The following TTN variants were observed in gnomAD, a reference collection of about 807,000 sequenced individuals.
TTN encodes titin, also known as connectin.
A neutral mutation model predicts 3,223.0 loss-of-function variants in TTN; 1,525 were observed. The ratio of observed to expected loss-of-function variants is 0.47; its 90% CI spans 0.45 to 0.49. The LOEUF is 0.49. Among genes scored for constraint, TTN ranks in the 20% least tolerant of loss-of-function variants. The pLI, the probability that TTN is intolerant of heterozygous loss-of-function variation, is 0.00. For synonymous variants in TTN, 14,094 were observed against 15,161.0 expected (o/e 0.93, Z 5.17); for missense variants, 40,786 against 43,424.0 (o/e 0.94, Z 5.40).
At chr2:178,649,773 T>C (rs1461110190) in intron 211 of TTN, 44 bp downstream of exon 211, 3 of 1,592,830 alleles carry the variant, frequency 1.9e-6, no homozygotes, top group Non-Finnish European at 8.6e-7. Context: ...GAGTGTAAAA[T>C]TGTAGACACC....
rs769631757 is a variant in TTN, at chr2:178,795,105, T to G, written c.1062A>C (p.Ser354=). Residue 354 remains serine (S), a synonymous_variant, in exon 7 of 363, where the codon TCA becomes TCC. Coordinates refer to ENST00000589042, the MANE Select transcript of TTN (RefSeq NM_001267550.2). ...PWKQEGYVAS[S]SEAEMRETTL... ...TTGTCTCTCTCATCTCAGCCTCAGA[T>G]GAGGAGGCCACGTAGCCCTCTTGCT... is the stretch of plus-strand genomic sequence containing the variant. 6.2e-7 allele frequency: 1 copy of G among 1,614,094 alleles called. No individual in the cohort carries two copies. The highest frequency in any genetic ancestry group is 1.7e-5 in the Admixed American group (1 of 60,016).
rs1364075778 is a variant in TTN at position 178,632,078 on chromosome 2, A to G, written c.43747+69T>C. The G allele has an allele frequency of 4.8e-6, 7 of 1,451,258 alleles. No homozygotes were observed. In the South Asian group the frequency reaches 7.6e-5, roughly 16 times the overall value. 89.9% of individuals were successfully genotyped at this position (1,451,258 alleles called of 1,614,324 possible). On this transcript the variant is annotated intron_variant, in intron 236 of 362. Coordinates refer to ENST00000589042, the MANE Select transcript of TTN (RefSeq NM_001267550.2). Reference sequence around the variant, plus strand: ...AATATAACACTTAGAAGACTATTTTATAGAATAGATACTCCACAAATTTCT... The same window carrying G: ...AATATAACACTTAGAAGACTATTTTGTAGAATAGATACTCCACAAATTTCT...
At position 178,552,397 on chromosome 2, in the gene TTN, T is replaced by C. The variant is rs1244536669; in HGVS notation, c.90503A>G (p.Asp30168Gly). The C allele has an allele frequency of 1.3e-6, 2 of 1,592,444 alleles. No homozygotes were observed. Among genetic ancestry groups the C allele is most frequent in the African/African-American group, 2.7e-5 (2 of 74,442 alleles). The change falls in exon 335 of 363, where the codon GAT (aspartate) becomes GGT (glycine). Residue 30168 changes from aspartate to glycine, a missense_variant. Asp to Gly is a moderately conservative substitution (Grantham distance 94, BLOSUM62 -1). Transcript: ENST00000589042. ...KPKPSISWLK[D>G]GLPLKESEFV... ...TTCACTTTCTTTCAGTGGCAAGCCA[T>C]CTTTCAGCCAACTGATGGATGGTTT...
At position 178,722,288 on chromosome 2, in the gene TTN, G is replaced by A. The variant is rs1560689342; in HGVS notation, c.22499C>T (p.Ala7500Val). 1 of 1,604,832 alleles carries A rather than the reference G, an allele frequency of 6.2e-7. No individual in the cohort carries two copies. Among genetic ancestry groups the A allele is most frequent in the Non-Finnish European group, 8.5e-7 (1 of 1,175,458 alleles). ...SCSASNPLGT[A>V]SSSARLTARE... ...TGCTGTGAGTCTAGCACTAGAAGATGCTGTTCCAAGTGGGTTGGAAGCTGA... is the reference window on the plus strand; with the variant it reads ...TGCTGTGAGTCTAGCACTAGAAGATACTGTTCCAAGTGGGTTGGAAGCTGA... The change falls in exon 77 of 363, where the codon GCA (alanine) becomes GTA (valine). Residue 7500 changes from alanine to valine, a missense_variant. Physicochemically the swap from Ala to Val is moderately conservative, Grantham distance 64 (BLOSUM62 0). Transcript: ENST00000589042.
In TTN at chr2:178,775,452, T is replaced by C. The variant is rs2092116298; in HGVS notation, c.6412A>G (p.Ile2138Val). Residue 2138 changes from isoleucine to valine, a missense_variant, in exon 28 of 363, where the codon ATA becomes GTA. Ile to Val is a conservative substitution (Grantham distance 29, BLOSUM62 3). Transcript: ENST00000589042. The stretch of plus-strand genomic sequence containing the variant: ...GAGTCCTCAGCAGTCACATCTCTTA[T>C]GACCAATTCACAAACATTGTCTTCG... ...WPEDNVCELV[I>V]RDVTAEDSAS... 1 of 1,614,052 alleles carries C rather than the reference T, an allele frequency of 6.2e-7. No homozygotes were observed. The highest frequency in any genetic ancestry group is 1.1e-5 in the South Asian group (1 of 91,084).
rs760666570 is a variant in TTN at position 178,766,445 on chromosome 2, G to C, written c.9639C>G (p.Ser3213Arg). The C allele has an allele frequency of 4.3e-6, 7 of 1,613,910 alleles. No homozygotes were observed. In the Admixed American group the frequency reaches 1.2e-4, roughly 27 times the overall value. The change falls in exon 41 of 363, where the codon AGC becomes AGG. Residue 3213 changes from serine to arginine, a missense_variant. By Grantham distance (110) the Ser-to-Arg change is moderately radical. Coordinates refer to ENST00000589042, the MANE Select transcript of TTN (RefSeq NM_001267550.2). ...HRMFISETRQSDAGEYTFVAG... is the reference protein window; with the variant it reads ...HRMFISETRQRDAGEYTFVAG... Reference sequence around the variant, plus strand: ...CCACAAAGGTGTATTCTCCTGCATCGCTCTGTCTGGTCTCAGAGATAAACA... The same window carrying C: ...CCACAAAGGTGTATTCTCCTGCATCCCTCTGTCTGGTCTCAGAGATAAACA...
At chr2:178,694,316 T>G (rs762324968) in intron 117 of TTN, among the ~76,000 whole-genome samples, 6 of 152,178 alleles carry the variant, frequency 3.9e-5, no homozygotes, top group Non-Finnish European at 5.9e-5. Flanking sequence ...GAATATTATA[T>G]GCAATGGAAT....
In TTN at chr2:178,719,599, T is replaced by C; in HGVS notation, c.23893A>G (p.Asn7965Asp). 5 of 1,612,564 alleles carry C rather than the reference T, an allele frequency of 3.1e-6. No homozygotes were observed. The highest frequency in any genetic ancestry group is 4.2e-6 in the Non-Finnish European group (5 of 1,178,680). The stretch of plus-strand genomic sequence containing the variant: ...GTGCAGTTACTTTTGCCAACACTGT[T>C]TTTCACTTCAAAGCTATATAATCCT... ...DKGLYSFEVK[N>D]SVGKSNCTVS... Residue 7965 changes from asparagine (N) to aspartate (D), a missense_variant, in exon 82 of 363, where the codon AAC becomes GAC. Coordinates refer to ENST00000589042, the MANE Select transcript of TTN (RefSeq NM_001267550.2).
chr2:178,643,868 A>G (rs2061546762), intron 218 of TTN, among the ~76,000 whole-genome samples: 2 of 151,948 alleles, frequency 1.3e-5, no homozygotes, highest in Admixed American at 1.3e-4. Flanking sequence ...GAACACTACT[A>G]CCCATTAGAA....
rs1469687198 is a variant in TTN, at chr2:178,584,461, T to C, written c.65090A>G (p.Glu21697Gly). ...CAGCAAACTGTTTCTTTCCTTGCGTTCAATCAGATAACCAATAATGGGGCT... is the reference window on the plus strand; with the variant it reads ...CAGCAAACTGTTTCTTTCCTTGCGTCCAATCAGATAACCAATAATGGGGCT... ...GGSPIIGYLIERKERNSLLWV... is the reference protein window; with the variant it reads ...GGSPIIGYLIGRKERNSLLWV... The change falls in exon 311 of 363, where the codon GAA becomes GGA. Residue 21697 changes from glutamate (E) to glycine (G), a missense_variant. Physicochemically the swap from Glu to Gly is moderately conservative, Grantham distance 98 (BLOSUM62 -2). Transcript: ENST00000589042. 1 of 1,613,286 alleles carries C rather than the reference T, an allele frequency of 6.2e-7. No individual in the cohort carries two copies. The highest frequency in any genetic ancestry group is 1.1e-5 in the South Asian group (1 of 91,070).
chr2:178,713,638 A>G, intron 92 of TTN: 1 of 700,392 alleles, frequency 1.4e-6, no homozygotes, highest in Non-Finnish European at 2.2e-6. Flanking sequence ...TTCAGCATAA[A>G]TGAAGACTGC....
chr2:178,552,239 T>C lies in TTN; in HGVS notation c.90661A>G (p.Thr30221Ala), dbSNP rs1699730070. Residue 30221 changes from threonine to alanine, a missense_variant, in exon 335 of 363, where the codon ACC (threonine) becomes GCC (alanine). By Grantham distance (58) the Thr-to-Ala change is moderately conservative (BLOSUM62 0). Transcript: ENST00000589042. ...TTGGGCTTTGATGGTGGGCCAAGGG[T>C]GATGACTGTAATGGGGACTGCAATT... ...CRIAVPITVITLGPPSKPKGP... is the reference protein window; with the variant it reads ...CRIAVPITVIALGPPSKPKGP... The C allele has an allele frequency of 6.2e-7, 1 of 1,613,318 alleles. No homozygotes were observed. Among genetic ancestry groups the C allele is most frequent in the Non-Finnish European group, 8.5e-7 (1 of 1,179,648 alleles).
In TTN at chr2:178,777,322, A is replaced by T. The variant is rs750400475; in HGVS notation, c.4646-5T>A. The T allele has an allele frequency of 2.5e-6, 4 of 1,613,830 alleles. No homozygotes were observed. In the Admixed American group the frequency reaches 6.7e-5, roughly 27 times the overall value. The stretch of plus-strand genomic sequence containing the variant: ...GTTTTACCTGATGTTCCACAGCTGA[A>T]AGAGAAAGGTCATGATTTAGAGGGA... On this transcript the variant is annotated splice_region_variant and splice_polypyrimidine_tract_variant and intron_variant, in intron 26 of 362. Coordinates refer to ENST00000589042, the MANE Select transcript of TTN (RefSeq NM_001267550.2).
intron 104 of TTN, 44 bp downstream of exon 104, chr2:178,704,829 TACTC>T: frequency 6.2e-7 from 1 of 1,609,496 alleles, no homozygotes; most frequent in Non-Finnish European, 8.5e-7. Context: ...CTTATAATAA[TACTC>T]AATAATAACT....
chr2:178,645,806 C>A, intron 217 of TTN, 114 bp downstream of exon 217: 1 of 617,970 alleles, frequency 1.6e-6, no homozygotes, highest in Non-Finnish European at 2.6e-6. Flanking sequence ...ACAGTACAAT[C>A]ATGTCTGAAA....
chr2:178,612,769 T>G lies in TTN; in HGVS notation c.49948+4A>C. 6.2e-7 allele frequency: 1 copy of G among 1,607,096 alleles called. No individual in the cohort carries two copies. Among genetic ancestry groups the G allele is most frequent in the Non-Finnish European group, 8.5e-7 (1 of 1,177,546 alleles). On this transcript the variant is annotated splice_donor_region_variant and intron_variant, in intron 265 of 362. Transcript: ENST00000589042. ...ATATATCCCAGACATCAAGAGTGAC[T>G]TACATAGCTTCTCCCGGCAAAGCAC...
chr2:178,587,331 C>A lies in TTN; in HGVS notation c.63880G>T (p.Gly21294Cys), dbSNP rs201119122. 1 of 1,612,710 alleles carries A rather than the reference C, an allele frequency of 6.2e-7. No individual in the cohort carries two copies. Among genetic ancestry groups the A allele is most frequent in the Non-Finnish European group, 8.5e-7 (1 of 1,179,344 alleles). ...HVSWAPPENDGGSQVTHYIVE... is the reference protein window; with the variant it reads ...HVSWAPPENDCGSQVTHYIVE... ...ATATAATGTGTCACTTGGCTCCCAC[C>A]GTCGTTTTCAGGAGGGGCCCAGGAC... Residue 21294 changes from glycine to cysteine, a missense_variant, in exon 307 of 363, where the codon GGT (glycine) becomes TGT (cysteine). Transcript: ENST00000589042.
Position 178,608,846 on chromosome 2 carries a change from T to C in TTN, c.52165A>G (p.Lys17389Glu), listed in dbSNP as rs779439447. 6.2e-7 allele frequency: 1 copy of C among 1,612,342 alleles called. No individual in the cohort carries two copies. Among genetic ancestry groups the C allele is most frequent in the South Asian group, 1.1e-5 (1 of 91,062 alleles). ...EDIRKTSVLC[K>E]WEPPLDDGGS... Reference sequence around the variant, plus strand: ...CCATCATCAAGGGGTGGTTCCCATTTACAAAGGACTGAGGTCTTTCTGATA... The same window carrying C: ...CCATCATCAAGGGGTGGTTCCCATTCACAAAGGACTGAGGTCTTTCTGATA... The change falls in exon 274 of 363, where the codon AAA (lysine) becomes GAA (glutamate). Residue 17389 changes from lysine (K) to glutamate (E), a missense_variant. Physicochemically the swap from Lys to Glu is moderately conservative, Grantham distance 56 (BLOSUM62 1). Coordinates refer to ENST00000589042, the MANE Select transcript of TTN (RefSeq NM_001267550.2).
chr2:178,580,756 A>C, intron 316 of TTN, 147 bp from the exon 317 acceptor site: 1 of 805,422 alleles, frequency 1.2e-6, no homozygotes, highest in Non-Finnish European at 1.9e-6. Flanking sequence ...CCTCAAAATC[A>C]TTTTTCTGTT....
Sources: gnomAD v4.1 joint callset for allele counts (sites outside exome capture counted in the v4.1 genomes callset) on GRCh38, gnomAD v4.1.1 for gene constraint, MANE v1.5 for transcripts, NCBI Gene and HGNC (gene_info 2026-07-23, HGNC 2026-07-21) for gene names.